Variants in PAM observed in about 807,000 individuals in gnomAD.
The protein encoded by PAM is peptidyl-glycine alpha-amidating monooxygenase.
PAM carries 72 observed loss-of-function variants against 122.1 expected under a neutral mutation model. The observed-to-expected ratio is 0.59, with a 90% CI of 0.49 to 0.72. The LOEUF is 0.72. PAM is among the 30% of genes least tolerant of loss of function. The pLI is 0.00. For missense variants in PAM, 1,106 were observed against 1,183.7 expected (o/e 0.93, Z 0.96); for synonymous variants, 389 against 404.4 (o/e 0.96, Z 0.46).
intron 1 of PAM, among the ~76,000 whole-genome samples, chr5:102,799,305 A>G (rs1764114946): frequency 6.6e-6 from 1 of 152,220 alleles, no homozygotes; most frequent in African/African-American, 2.4e-5. Context: ...AGAACATGCC[A>G]GACTGAGTGA....
At position 102,977,461 on chromosome 5, in the gene PAM, T is replaced by G. The variant is rs373060258; in HGVS notation, c.1483+3025T>G. The stretch of plus-strand genomic sequence containing the variant: ...GAGTACAAATATCTGCGAATAGCAT[T>G]TTTTTTAGGTTTTATCTTCATGACT... On this transcript the variant is annotated intron_variant, in intron 15 of 25. Transcript: ENST00000438793. Among the ~76,000 whole-genome samples, 16 of 152,182 alleles carry G rather than the reference T, an allele frequency of 1.1e-4. No homozygotes were observed. The East Asian group carries it at 2.9e-3, about 28-fold the overall frequency.
rs1287457557 is a variant in PAM, at chr5:102,892,661, T to C, written c.211-8695T>C. ...TAAAAATCATTGTACCAATTTTAAGTGTCACCAGCAATGAAATAAAAATTT... is the reference window on the plus strand; with the variant it reads ...TAAAAATCATTGTACCAATTTTAAGCGTCACCAGCAATGAAATAAAAATTT... On this transcript the variant is annotated intron_variant, in intron 3 of 25. Coordinates refer to ENST00000438793, the MANE Select transcript of PAM (RefSeq NM_001177306.2). Among the ~76,000 whole-genome samples the C allele has an allele frequency of 2.0e-5, 3 of 151,864 alleles. No individual in the cohort carries two copies. In the East Asian group the frequency reaches 5.8e-4, roughly 29 times the overall value.
chr5:102,800,802 C>A (rs1388483966), intron 1 of PAM, among the ~76,000 whole-genome samples: 1 of 152,074 alleles, frequency 6.6e-6, no homozygotes, highest in East Asian at 1.9e-4. Flanking sequence ...TCACCCTGGG[C>A]TTATCTTCTC....
intron 2 of PAM, chr5:102,866,576 C>A: frequency 2.5e-6 from 1 of 397,032 alleles, no homozygotes; most frequent in South Asian, 2.8e-5. Context: ...GTTTTGAATG[C>A]CTGCTTGTTT....
At chr5:102,839,897 A>G (rs1248746010) in intron 1 of PAM, among the ~76,000 whole-genome samples, 1 of 152,204 alleles carries the variant, frequency 6.6e-6, no homozygotes. Context: ...GGTACAGGTT[A>G]TCTGCCAAGA....
chr5:102,936,693 G>A (rs1200722543), intron 7 of PAM, among the ~76,000 whole-genome samples: 1 of 152,014 alleles, frequency 6.6e-6, no homozygotes, highest in Non-Finnish European at 1.5e-5. Flanking sequence ...TTTGTAAATT[G>A]CTGCACATTT....
At chr5:102,983,221 G>T (rs1004357498) in intron 15 of PAM, among the ~76,000 whole-genome samples, 2 of 151,960 alleles carry the variant, frequency 1.3e-5, no homozygotes, top group Non-Finnish European at 2.9e-5. Context: ...GAGGCGGGTA[G>T]ATTGCTTGAG....
chr5:102,924,115 G>T (rs1043336576), intron 5 of PAM, among the ~76,000 whole-genome samples: 1 of 152,018 alleles, frequency 6.6e-6, no homozygotes, highest in African/African-American at 2.4e-5. Flanking sequence ...AACTCAAAAT[G>T]TCATGCATGT....
chr5:102,836,859 CGAGAGAGA>C (rs57617414), intron 1 of PAM, among the ~76,000 whole-genome samples: 135 of 120,828 alleles, frequency 1.1e-3, no homozygotes, highest in South Asian at 4.7e-3. Context: ...AGAAAGAAAC[CGAGAGAGA>C]GAGAGAGAGA....
At chr5:102,908,921 T>A (rs1561849884) in intron 4 of PAM, among the ~76,000 whole-genome samples, 1 of 151,728 alleles carries the variant, frequency 6.6e-6, no homozygotes, top group South Asian at 2.1e-4. Context: ...CATTTCTCTG[T>A]ACCTTTTTGG....
At chr5:102,879,882 G>T (rs1790418821) in intron 3 of PAM, among the ~76,000 whole-genome samples, 1 of 152,202 alleles carries the variant, frequency 6.6e-6, no homozygotes, top group South Asian at 2.1e-4. Flanking sequence ...TATAACCTAG[G>T]TGTGTAGTAG....
intron 1 of PAM, among the ~76,000 whole-genome samples, chr5:102,862,662 G>T (rs988786836): frequency 6.6e-6 from 1 of 152,154 alleles, no homozygotes; most frequent in South Asian, 2.1e-4. Context: ...ATATATATTT[G>T]TTGCAACAAC....
At chr5:102,778,003 T>C (rs757680452) in intron 1 of PAM, among the ~76,000 whole-genome samples, 1 of 152,142 alleles carries the variant, frequency 6.6e-6, no homozygotes, top group East Asian at 1.9e-4. Flanking sequence ...GCAGGCGGAA[T>C]TGTGGAAAAC....
chr5:102,863,542 T>C (rs1485398963), intron 1 of PAM, among the ~76,000 whole-genome samples: 2 of 152,028 alleles, frequency 1.3e-5, no homozygotes, highest in African/African-American at 4.8e-5. Flanking sequence ...CTCATCTCCC[T>C]TAATAGACTA....
At chr5:102,921,007 G>C (rs1016521118) in intron 5 of PAM, among the ~76,000 whole-genome samples, 1 of 152,058 alleles carries the variant, frequency 6.6e-6, no homozygotes, top group Admixed American at 6.6e-5. Flanking sequence ...TGGTTTCCCC[G>C]TGGATTAGAC....
chr5:102,779,587 T>C (rs1758060707), intron 1 of PAM, among the ~76,000 whole-genome samples: 1 of 151,952 alleles, frequency 6.6e-6, no homozygotes, highest in African/African-American at 2.4e-5. Flanking sequence ...CCAAAGGAGA[T>C]TAACATTTGA....
chr5:102,988,782 G>T (rs962776928), intron 15 of PAM, among the ~76,000 whole-genome samples: 5 of 151,962 alleles, frequency 3.3e-5, no homozygotes, highest in African/African-American at 1.2e-4. Flanking sequence ...AACTAATCTG[G>T]GCATCCTATT....
chr5:102,923,403 T>G (rs1748145905), intron 5 of PAM, among the ~76,000 whole-genome samples: 1 of 152,198 alleles, frequency 6.6e-6, no homozygotes. Context: ...GTGTACATTT[T>G]TTTCTGTGTG....
intron 5 of PAM, among the ~76,000 whole-genome samples, chr5:102,914,599 C>G (rs1802550240): frequency 6.6e-6 from 1 of 152,058 alleles, no homozygotes. Context: ...CACTCTTTCT[C>G]CAGACACTGT....
Sources: allele counts gnomAD v4.1 joint callset (sites outside exome capture counted in the v4.1 genomes callset), GRCh38; gene constraint gnomAD v4.1.1; transcripts MANE v1.5; gene names NCBI Gene and HGNC (gene_info 2026-07-23, HGNC 2026-07-21).